NEGR1: variants seen among roughly 807,000 people sequenced by gnomAD.
NEGR1 encodes the protein neuronal growth regulator 1.
NEGR1 carries 10 observed loss-of-function variants against 40.9 expected under a neutral mutation model. That is an observed-to-expected ratio of 0.24 (90% CI 0.15 to 0.42). NEGR1 has a LOEUF of 0.42. Among genes scored for constraint, NEGR1 ranks in the 10% least tolerant of loss-of-function variants. NEGR1 has a pLI of 1.00. For synonymous variants in NEGR1, 185 were observed against 166.8 expected, an observed-to-expected ratio of 1.11 and a Z score of -0.84; for missense variants, 352 against 438.9, an observed-to-expected ratio of 0.80 and a Z score of 1.77.
At chr1:71,768,503 C>A (rs915077261) in intron 3 of NEGR1, among the ~76,000 whole-genome samples, 1 of 152,086 alleles carries the variant, frequency 6.6e-6, no homozygotes, top group African/African-American at 2.4e-5. Flanking sequence ...AATGCCTATA[C>A]CCCATTGTAT....
intron 6 of NEGR1, among the ~76,000 whole-genome samples, chr1:71,571,983 C>A (rs927225594): frequency 1.3e-5 from 2 of 151,986 alleles, no homozygotes; most frequent in Non-Finnish European, 2.9e-5. Context: ...GGCTGACAGA[C>A]AATTCTTTGT....
chr1:71,564,087 A>C (rs1648543235), intron 6 of NEGR1, among the ~76,000 whole-genome samples: 1 of 152,100 alleles, frequency 6.6e-6, no homozygotes, highest in Non-Finnish European at 1.5e-5. Flanking sequence ...TGCAACGCAA[A>C]GCTTTGGCAT....
intron 3 of NEGR1, among the ~76,000 whole-genome samples, chr1:71,729,244 C>T (rs1341685389): frequency 3.3e-5 from 5 of 152,006 alleles, no homozygotes; most frequent in Non-Finnish European, 7.4e-5. Context: ...CAGCTTTGTT[C>T]CAATAACACC....
intron 1 of NEGR1, chr1:72,274,982 T>A: frequency 1.3e-6 from 2 of 1,528,198 alleles, no homozygotes; most frequent in Non-Finnish European, 1.8e-6. Context: ...TACATTGCCA[T>A]AGTTAGTACG....
intron 1 of NEGR1, among the ~76,000 whole-genome samples, chr1:72,188,627 T>G: frequency 6.6e-6 from 1 of 151,492 alleles, no homozygotes; most frequent in East Asian, 1.9e-4. Flanking sequence ...AGGAGATATT[T>G]GTAAATTGTA....
rs560352768 is a variant in NEGR1, at chr1:71,928,060, A to G, written c.409+7019T>C. Among the ~76,000 whole-genome samples, 47 of 73,338 alleles carry G rather than the reference A, an allele frequency of 6.4e-4. 11 individuals are homozygous for G. The highest frequency in any genetic ancestry group is 2.2e-3 in the African/African-American group (37 of 17,092). 48.1% of individuals were successfully genotyped at this position (73,338 alleles called of 152,430 possible). A position where few individuals can be genotyped will look rare whatever the true frequency, so the allele number is the denominator to read the frequency against. On this transcript the variant is annotated intron_variant, in intron 2 of 6. Coordinates refer to ENST00000357731, the MANE Select transcript of NEGR1 (RefSeq NM_173808.3). ...CACACACACACACACGTATATATAT[A>G]CACACACACATATGTACATATATGT...
At chr1:72,062,013 C>T (rs189829903) in intron 1 of NEGR1, among the ~76,000 whole-genome samples, 307 of 151,950 alleles carry the variant, frequency 2.0e-3, no homozygotes, top group Middle Eastern at 3.4e-3. Context: ...CCTTGTCTTT[C>T]CCTAATGACA....
chr1:72,244,627 G>C (rs1557595493), intron 1 of NEGR1, among the ~76,000 whole-genome samples: 1 of 151,878 alleles, frequency 6.6e-6, no homozygotes, highest in African/African-American at 2.4e-5. Context: ...CTGCAACACT[G>C]CATCAGTGAA....
intron 5 of NEGR1, among the ~76,000 whole-genome samples, chr1:71,604,236 A>G (rs1354873042): frequency 6.6e-6 from 1 of 152,166 alleles, no homozygotes; most frequent in Non-Finnish European, 1.5e-5. Flanking sequence ...TAAGTGAACG[A>G]ATGTGAACAT....
intron 6 of NEGR1, among the ~76,000 whole-genome samples, chr1:71,441,330 C>T (rs887660664): frequency 1.3e-5 from 2 of 152,182 alleles, no homozygotes; most frequent in African/African-American, 4.8e-5. Context: ...CTTCCATACC[C>T]TTCGCCATGT....
chr1:71,584,312 T>C (rs1209055101), intron 6 of NEGR1, among the ~76,000 whole-genome samples: 1 of 152,102 alleles, frequency 6.6e-6, no homozygotes, highest in African/African-American at 2.4e-5. Flanking sequence ...CACTGAAATA[T>C]TATTGCTTTC....
At chr1:71,417,925 A>G (rs1646367037) in intron 6 of NEGR1, among the ~76,000 whole-genome samples, 1 of 152,190 alleles carries the variant, frequency 6.6e-6, no homozygotes, top group South Asian at 2.1e-4. Flanking sequence ...AACAGTAACA[A>G]TGACACCAAC....
chr1:71,585,739 A>G (rs1649285195), intron 6 of NEGR1, among the ~76,000 whole-genome samples: 1 of 135,206 alleles, frequency 7.4e-6, no homozygotes, highest in Non-Finnish European at 1.5e-5. Flanking sequence ...GCTTATGTGC[A>G]TGGCTGATTT....
At chr1:71,732,670 A>G (rs1366110099) in intron 3 of NEGR1, among the ~76,000 whole-genome samples, 2 of 152,128 alleles carry the variant, frequency 1.3e-5, no homozygotes, top group Non-Finnish European at 2.9e-5. Flanking sequence ...CACTTTCCAA[A>G]GATTTGTCCA....
chr1:72,078,716 T>A (rs1370364557), intron 1 of NEGR1, among the ~76,000 whole-genome samples: 1 of 151,024 alleles, frequency 6.6e-6, no homozygotes, highest in African/African-American at 2.4e-5. Flanking sequence ...TTCGGCTCAC[T>A]GTAATCTCTG....
chr1:72,124,830 AT>A (rs1357434404), intron 1 of NEGR1, among the ~76,000 whole-genome samples: 4 of 152,138 alleles, frequency 2.6e-5, no homozygotes, highest in Non-Finnish European at 5.9e-5. Flanking sequence ...ACCATTAAAA[AT>A]ATTGGTAAAA....
intron 2 of NEGR1, among the ~76,000 whole-genome samples, chr1:71,847,865 C>T (rs1204898361): frequency 1.3e-5 from 2 of 152,120 alleles, no homozygotes; most frequent in Admixed American, 6.5e-5. Flanking sequence ...TGTGGAAAGC[C>T]AAGATAGGCT....
intron 5 of NEGR1, among the ~76,000 whole-genome samples, chr1:71,594,265 A>G (rs1649608307): frequency 6.6e-6 from 1 of 152,168 alleles, no homozygotes; most frequent in Non-Finnish European, 1.5e-5. Context: ...GGCTATGTAA[A>G]CTGATAGTCC....
At chr1:72,164,864 T>C (rs931977371) in intron 1 of NEGR1, among the ~76,000 whole-genome samples, 2 of 152,084 alleles carry the variant, frequency 1.3e-5, no homozygotes, top group African/African-American at 4.8e-5. Context: ...GGCAGAGGAA[T>C]ATTTTTAAAA....
Sources: gnomAD v4.1 joint callset for allele counts (sites outside exome capture counted in the v4.1 genomes callset) on GRCh38, gnomAD v4.1.1 for gene constraint, MANE v1.5 for transcripts, NCBI Gene and HGNC (gene_info 2026-07-23, HGNC 2026-07-21) for gene names.